Variants in RFX3 observed in about 807,000 individuals in gnomAD.
The protein encoded by RFX3 is transcription factor RFX3.
RFX3 carries 14 observed loss-of-function variants against 98.6 expected under a neutral mutation model. The observed-to-expected ratio is 0.14, with a 90% CI of 0.09 to 0.22. RFX3 has a LOEUF of 0.22. Ranked by LOEUF, RFX3 falls within the 10% of genes least tolerant of loss-of-function variation. The pLI, the probability that RFX3 is intolerant of heterozygous loss-of-function variation, is 1.00. For missense variants in RFX3, 639 were observed against 926.9 expected (o/e 0.69, Z 4.03); for synonymous variants, 383 against 328.4 (o/e 1.17, Z -1.80).
chr9:3,298,626 T>C (rs2129945062), intron 5 of RFX3, among the ~76,000 whole-genome samples: 1 of 151,944 alleles, frequency 6.6e-6, no homozygotes, highest in African/African-American at 2.4e-5. Context: ...CTATTAGAGA[T>C]GCTGGTACTA....
At chr9:3,226,830 C>A (rs1445848533) in intron 16 of RFX3, among the ~76,000 whole-genome samples, 1 of 152,180 alleles carries the variant, frequency 6.6e-6, no homozygotes, top group East Asian at 1.9e-4. Context: ...TTAACACAAA[C>A]TCTTCATGGT....
intron 14 of RFX3, among the ~76,000 whole-genome samples, chr9:3,251,398 G>T (rs1821377510): frequency 6.6e-6 from 1 of 151,716 alleles, no homozygotes; most frequent in African/African-American, 2.4e-5. Context: ...TCCAGGCTGG[G>T]GTGTGGTGAT....
At chr9:3,415,125 T>C (rs1335103963) in intron 1 of RFX3, among the ~76,000 whole-genome samples, 1 of 128,928 alleles carries the variant, frequency 7.8e-6, no homozygotes, top group Non-Finnish European at 1.5e-5. Flanking sequence ...TATACTTATA[T>C]ATATACTCTT....
At chr9:3,488,126 A>T (rs1383752409) in intron 1 of RFX3, among the ~76,000 whole-genome samples, 1 of 152,108 alleles carries the variant, frequency 6.6e-6, no homozygotes, top group Non-Finnish European at 1.5e-5. Context: ...CATACTACAA[A>T]GGAGTTTAAT....
intron 1 of RFX3, among the ~76,000 whole-genome samples, chr9:3,452,891 G>A (rs994129648): frequency 3.9e-5 from 6 of 152,120 alleles, no homozygotes; most frequent in Admixed American, 3.3e-4. Flanking sequence ...CATGGCTCCA[G>A]GAGATTAGAC....
At chr9:3,477,937 T>G (rs1002133743) in intron 1 of RFX3, among the ~76,000 whole-genome samples, 1 of 152,188 alleles carries the variant, frequency 6.6e-6, no homozygotes, top group East Asian at 1.9e-4. Context: ...GCTCCTCTAG[T>G]GAATTTTTCA....
intron 2 of RFX3, among the ~76,000 whole-genome samples, chr9:3,385,670 T>C (rs1326221706): frequency 2.1e-5 from 3 of 145,664 alleles, no homozygotes; most frequent in Admixed American, 6.9e-5. Context: ...ATTGCACCAT[T>C]GCACTCCAGC....
At chr9:3,235,244 T>C (rs1396593102) in intron 15 of RFX3, among the ~76,000 whole-genome samples, 2 of 152,206 alleles carry the variant, frequency 1.3e-5, no homozygotes, top group Admixed American at 6.5e-5. Context: ...GAGTCTAATA[T>C]AGAAGTTTTC....
intron 2 of RFX3, among the ~76,000 whole-genome samples, chr9:3,360,452 G>A (rs1251209715): frequency 6.6e-6 from 1 of 152,004 alleles, no homozygotes; most frequent in African/African-American, 2.4e-5. Context: ...ACATCAGTAT[G>A]TTGGCAGCAA....
At chr9:3,318,895 T>C (rs1244655382) in intron 4 of RFX3, among the ~76,000 whole-genome samples, 2 of 152,192 alleles carry the variant, frequency 1.3e-5, no homozygotes, top group African/African-American at 2.4e-5. Context: ...GAAATCAAGA[T>C]TGTCTTTTTG....
chr9:3,303,290 T>C (rs1313217028), intron 4 of RFX3, among the ~76,000 whole-genome samples: 1 of 151,846 alleles, frequency 6.6e-6, no homozygotes, highest in East Asian at 1.9e-4. Flanking sequence ...TAAAGGACTT[T>C]GGTATAACAT....
chr9:3,490,069 T>C (rs959257005), intron 1 of RFX3, among the ~76,000 whole-genome samples: 1 of 152,178 alleles, frequency 6.6e-6, no homozygotes, highest in African/African-American at 2.4e-5. Context: ...AATACTGTTT[T>C]CTTGAAAACA....
intron 1 of RFX3, among the ~76,000 whole-genome samples, chr9:3,476,137 G>A (rs1849230081): frequency 6.6e-6 from 1 of 150,850 alleles, no homozygotes; most frequent in South Asian, 2.1e-4. Context: ...GGCATAAAGA[G>A]TAATTGCTAC....
chr9:3,505,912 C>G (rs1817044391), intron 1 of RFX3, among the ~76,000 whole-genome samples: 1 of 151,756 alleles, frequency 6.6e-6, no homozygotes. Flanking sequence ...GGCAGAGGCC[C>G]TTGAAGAATG....
chr9:3,296,380 C>A (rs1243131958), intron 5 of RFX3, among the ~76,000 whole-genome samples: 1 of 151,932 alleles, frequency 6.6e-6, no homozygotes, highest in East Asian at 1.9e-4. Flanking sequence ...GAAGCTTTTA[C>A]TCGATTGGCT....
At chr9:3,319,083 A>G (rs1830964082) in intron 4 of RFX3, among the ~76,000 whole-genome samples, 2 of 152,214 alleles carry the variant, frequency 1.3e-5, no homozygotes, top group African/African-American at 2.4e-5. Flanking sequence ...TCCATCTTAC[A>G]TTTTCAAATG....
chr9:3,367,195 C>A (rs562294332), intron 2 of RFX3, among the ~76,000 whole-genome samples: 137 of 152,204 alleles, frequency 9.0e-4, no homozygotes, highest in African/African-American at 3.2e-3. Context: ...TCCTTAAAAG[C>A]GGAGTGCTTC....
intron 15 of RFX3, among the ~76,000 whole-genome samples, chr9:3,244,762 C>T (rs553346740): frequency 1.3e-4 from 20 of 152,272 alleles, no homozygotes; most frequent in African/African-American, 4.8e-4. Context: ...TCTTATATCC[C>T]TTTAATTTTC....
chr9:3,512,018 G>C (rs1587906660), intron 1 of RFX3, among the ~76,000 whole-genome samples: 1 of 152,016 alleles, frequency 6.6e-6, no homozygotes, highest in Non-Finnish European at 1.5e-5. Context: ...TTACTCTTAC[G>C]TGACTACTAT....
Sources: allele counts gnomAD v4.1 joint callset (sites outside exome capture counted in the v4.1 genomes callset), GRCh38; gene constraint gnomAD v4.1.1; transcripts MANE v1.5; gene names NCBI Gene and HGNC (gene_info 2026-07-23, HGNC 2026-07-21).